Variants in TLL1 observed in about 807,000 individuals in gnomAD.
TLL1 encodes tolloid like 1, also known as tolloid-like protein 1.
In TLL1, 49 loss-of-function variants were observed where a neutral mutation model predicts 128.2. The observed-to-expected ratio is 0.38, with a 90% CI of 0.30 to 0.48. TLL1 has a LOEUF of 0.48. Among genes scored for constraint, TLL1 ranks in the 20% least tolerant of loss-of-function variants. The pLI is 0.96. For missense variants in TLL1, 1,123 were observed against 1,242.0 expected (o/e 0.90, Z 1.44); for synonymous variants, 454 against 418.8 (o/e 1.08, Z -1.03).
In TLL1 at chr4:166,023,561, C is replaced by T. The variant is rs185324450; in HGVS notation, c.1043-1755C>T. On this transcript the variant is annotated intron_variant, in intron 8 of 20. Coordinates refer to ENST00000061240, the MANE Select transcript of TLL1 (RefSeq NM_012464.5). ...TTGACTTTTATATCTGAGAATAAATCAACAAACTCTGAAACATCTTATGTA... is the reference window on the plus strand; with the variant it reads ...TTGACTTTTATATCTGAGAATAAATTAACAAACTCTGAAACATCTTATGTA... 6.7e-3 allele frequency among the ~76,000 whole-genome samples: 1,016 copies of T among 152,230 alleles called. 16 individuals carry two copies. Among genetic ancestry groups the T allele is most frequent in the Non-Finnish European group, 6.9e-3 (469 of 68,010 alleles).
At chr4:166,029,365 A>G (rs1738648525) in intron 9 of TLL1, among the ~76,000 whole-genome samples, 2 of 152,038 alleles carry the variant, frequency 1.3e-5, no homozygotes, top group Admixed American at 1.3e-4. Context: ...TTTATAAGAT[A>G]TTGCTTTGCA....
intron 1 of TLL1, among the ~76,000 whole-genome samples, chr4:165,953,462 C>A (rs1030549597): frequency 6.6e-6 from 1 of 151,260 alleles, no homozygotes; most frequent in Non-Finnish European, 1.5e-5. Context: ...CTTGACGGAG[C>A]ATCTATTTAT....
At chr4:165,914,834 C>T (rs1381953927) in intron 1 of TLL1, among the ~76,000 whole-genome samples, 1 of 152,202 alleles carries the variant, frequency 6.6e-6, no homozygotes, top group South Asian at 2.1e-4. Flanking sequence ...CAAATCTGCC[C>T]TCTGCTGTAT....
rs118154591 is a variant in TLL1 at position 165,991,356 on chromosome 4, A to T, written c.281-1448A>T. On this transcript the variant is annotated intron_variant, in intron 2 of 20. Coordinates refer to ENST00000061240, the MANE Select transcript of TLL1 (RefSeq NM_012464.5). ...AATAGTAACTTGCACTACTCAGTTG[A>T]ATTGCAAACAATGTAATATAAATAT... 1.4e-3 allele frequency among the ~76,000 whole-genome samples: 208 copies of T among 152,102 alleles called. 4 individuals carry two copies. The East Asian group carries it at 0.04, about 29-fold the overall frequency.
At chr4:165,903,515 C>A (rs1425240365) in intron 1 of TLL1, among the ~76,000 whole-genome samples, 2 of 148,204 alleles carry the variant, frequency 1.3e-5, no homozygotes, top group East Asian at 2.1e-4. Flanking sequence ...TGGGTTCAAG[C>A]GATTCTTCTG....
chr4:165,942,254 A>G (rs563418220), intron 1 of TLL1, among the ~76,000 whole-genome samples: 23 of 149,984 alleles, frequency 1.5e-4, no homozygotes, highest in Non-Finnish European at 2.8e-4. Context: ...ACTTGCCTCC[A>G]AGGTGCTTCC....
intron 17 of TLL1, among the ~76,000 whole-genome samples, chr4:166,077,146 A>C (rs1206363059): frequency 6.6e-6 from 1 of 152,150 alleles, no homozygotes; most frequent in Non-Finnish European, 1.5e-5. Flanking sequence ...TAGAAAGAGC[A>C]CAGCTTGAGG....
chr4:166,016,598 A>G (rs1737961421), intron 8 of TLL1, among the ~76,000 whole-genome samples: 1 of 152,052 alleles, frequency 6.6e-6, no homozygotes, highest in South Asian at 2.1e-4. Flanking sequence ...AAATACATTA[A>G]TGGGCCATTT....
chr4:166,096,063 A>C (rs1333892929), intron 19 of TLL1, among the ~76,000 whole-genome samples: 1 of 152,064 alleles, frequency 6.6e-6, no homozygotes, highest in Non-Finnish European at 1.5e-5. Flanking sequence ...CAGGCTGCCT[A>C]TTTTATTCTG....
chr4:165,946,984 G>A (rs1734280613), intron 1 of TLL1, among the ~76,000 whole-genome samples: 1 of 152,056 alleles, frequency 6.6e-6, no homozygotes, highest in Non-Finnish European at 1.5e-5. Flanking sequence ...TGATGAACTT[G>A]GATATTAAGA....
At chr4:166,050,451 A>G (rs914292246) in intron 12 of TLL1, among the ~76,000 whole-genome samples, 4 of 152,144 alleles carry the variant, frequency 2.6e-5, no homozygotes, top group African/African-American at 9.7e-5. Flanking sequence ...TCTTTGGGGT[A>G]TTTACCCAGA....
intron 1 of TLL1, among the ~76,000 whole-genome samples, chr4:165,904,448 A>T (rs1314134678): frequency 6.6e-6 from 1 of 152,198 alleles, no homozygotes; most frequent in African/African-American, 2.4e-5. Context: ...AACTTTATCG[A>T]TATGAAGGGC....
chr4:165,934,123 C>T (rs1027366785), intron 1 of TLL1, among the ~76,000 whole-genome samples: 7 of 151,552 alleles, frequency 4.6e-5, no homozygotes, highest in South Asian at 4.2e-4. Context: ...CTCAGCCTCC[C>T]GAGTAGCTGG....
At chr4:165,979,134 A>G (rs1736022607) in intron 1 of TLL1, among the ~76,000 whole-genome samples, 1 of 152,022 alleles carries the variant, frequency 6.6e-6, no homozygotes, top group African/African-American at 2.4e-5. Context: ...ATTCTAGGCA[A>G]TTTCTAAAAA....
At chr4:166,086,387 G>A (rs1741516767) in intron 18 of TLL1, among the ~76,000 whole-genome samples, 1 of 152,084 alleles carries the variant, frequency 6.6e-6, no homozygotes, top group Non-Finnish European at 1.5e-5. Context: ...CTCATAGTAT[G>A]AGGGAGTGGC....
chr4:165,988,578 T>G (rs1736491183), intron 1 of TLL1, among the ~76,000 whole-genome samples: 1 of 152,038 alleles, frequency 6.6e-6, no homozygotes, highest in Non-Finnish European at 1.5e-5. Context: ...AAGTCTACAG[T>G]GAGCCGTGAT....
At chr4:166,060,290 C>CA in intron 15 of TLL1, 102 bp downstream of exon 15, 1 of 1,272,942 alleles carries the variant, frequency 7.9e-7, no homozygotes, top group Non-Finnish European at 1.1e-6. Context: ...ATAGTATAGA[C>CA]ATTGTATTCT....
intron 16 of TLL1, among the ~76,000 whole-genome samples, chr4:166,070,800 T>C (rs1000029028): frequency 6.6e-6 from 1 of 151,952 alleles, no homozygotes; most frequent in East Asian, 1.9e-4. Context: ...TCTTGTCCAC[T>C]GTTTCTCTCA....
chr4:165,943,021 G>A (rs547473147), intron 1 of TLL1, among the ~76,000 whole-genome samples: 2 of 152,160 alleles, frequency 1.3e-5, no homozygotes, highest in East Asian at 3.9e-4. Context: ...AGGTGAATAG[G>A]ACATTCAAGT....
Sources: gnomAD v4.1 joint callset for allele counts (sites outside exome capture counted in the v4.1 genomes callset) on GRCh38, gnomAD v4.1.1 for gene constraint, MANE v1.5 for transcripts, NCBI Gene and HGNC (gene_info 2026-07-23, HGNC 2026-07-21) for gene names.